NAV1: variants seen among roughly 807,000 people sequenced by gnomAD.
The protein encoded by NAV1 is neuron navigator 1.
A neutral mutation model predicts 175.2 loss-of-function variants in NAV1; 18 were observed. That is an observed-to-expected ratio of 0.10 (90% CI 0.07 to 0.15). The LOEUF (loss-of-function observed/expected upper bound fraction) is 0.15, where lower values mean the gene tolerates loss of function less well. Among genes scored for constraint, NAV1 ranks in the 10% least tolerant of loss-of-function variants. NAV1 has a pLI of 1.00. For synonymous variants in NAV1, 897 were observed against 978.7 expected, an observed-to-expected ratio of 0.92 and a Z score of 1.56; for missense variants, 1,731 against 2,436.6, an observed-to-expected ratio of 0.71 and a Z score of 6.10.
chr1:201,546,222 C>T lies in NAV1; in HGVS notation c.-144+6880C>T, dbSNP rs953307623. ...GCTTCAGGAAGAGGGCTGGATTGCA[C>T]GGCATACCCTGCACTATTGCGTGCT... On this transcript the variant is annotated intron_variant, in intron 1 of 33. Transcript: ENST00000685211. 2.1e-4 allele frequency among the ~76,000 whole-genome samples: 32 copies of T among 152,358 alleles called. 1 individual carries two copies. The highest frequency in any genetic ancestry group is 1.7e-3 in the Admixed American group (26 of 15,308).
intron 2 of NAV1, among the ~76,000 whole-genome samples, chr1:201,631,840 G>A (rs576069927): frequency 6.6e-6 from 1 of 152,292 alleles, no homozygotes; most frequent in East Asian, 1.9e-4. Flanking sequence ...GGGTTTGGGG[G>A]CTTTTTTTTG....
intron 1 of NAV1, among the ~76,000 whole-genome samples, chr1:201,540,271 A>AG (rs1045106563): frequency 6.6e-6 from 1 of 152,230 alleles, no homozygotes; most frequent in Non-Finnish European, 1.5e-5. Context: ...GGATAGTCAC[A>AG]GGGCGCAGCT....
intron 15 of NAV1, chr1:201,798,544 A>G (rs888494314): frequency 4.1e-5 from 6 of 147,882 alleles, no homozygotes; most frequent in Non-Finnish European, 8.9e-5. Context: ...CCCAGGAGGT[A>G]GAAGCTGCAG....
chr1:201,720,614 CT>C (rs1342983107), intron 3 of NAV1, among the ~76,000 whole-genome samples: 1 of 152,206 alleles, frequency 6.6e-6, no homozygotes, highest in African/African-American at 2.4e-5. Flanking sequence ...GCTGTATGAG[CT>C]TGAGCAAACT....
chr1:201,649,589 C>T (rs1486673638), intron 1 of NAV1, among the ~76,000 whole-genome samples, 164 bp downstream of exon 5: 1 of 152,240 alleles, frequency 6.6e-6, no homozygotes, highest in Non-Finnish European at 1.5e-5. Flanking sequence ...GCTGAGCTGG[C>T]CCACCTCCAG....
chr1:201,622,847 C>A, upstream of NAV1: 1 of 985,994 alleles, frequency 1.0e-6, no homozygotes, highest in Non-Finnish European at 1.2e-6. Flanking sequence ...CCCTCTCTCC[C>A]TGCAGGACAG....
chr1:201,654,350 T>C (rs1283290390), intron 1 of NAV1, among the ~76,000 whole-genome samples: 1 of 151,966 alleles, frequency 6.6e-6, no homozygotes. Flanking sequence ...CCTTCCCACT[T>C]TCTCTGCCCA....
exon 4 of NAV1, chr1:201,780,533 G>A (rs771012167): frequency 6.2e-7 from 1 of 1,614,172 alleles, no homozygotes; most frequent in Non-Finnish European, 8.5e-7. Context: ...TACTCCCACT[G>A]CTTCTCGCAG....
chr1:201,597,340 C>T (rs879653001), intron 2 of NAV1, among the ~76,000 whole-genome samples: 1 of 152,234 alleles, frequency 6.6e-6, no homozygotes, highest in Non-Finnish European at 1.5e-5. Flanking sequence ...CAGCATTTCT[C>T]AGGATTCACA....
chr1:201,638,520 T>C (rs1668668433), intron 2 of NAV1, among the ~76,000 whole-genome samples: 1 of 152,166 alleles, frequency 6.6e-6, no homozygotes, highest in South Asian at 2.1e-4. Flanking sequence ...ACCCTTCTAA[T>C]ACCCAGTCCC....
chr1:201,689,584 G>T (rs1670819490), intron 1 of NAV1, among the ~76,000 whole-genome samples: 1 of 152,116 alleles, frequency 6.6e-6, no homozygotes, highest in South Asian at 2.1e-4. Flanking sequence ...TGTTCTGGGG[G>T]TTGTTTTTAA....
chr1:201,647,610 G>A (rs12079055), upstream of NAV1, among the ~76,000 whole-genome samples: 6 of 151,786 alleles, frequency 4.0e-5, no homozygotes, highest in East Asian at 7.8e-4. Flanking sequence ...CCCAGTCAAC[G>A]CTAGGCCCCT....
chr1:201,671,601 G>T (rs1670047446), intron 1 of NAV1, among the ~76,000 whole-genome samples: 1 of 152,208 alleles, frequency 6.6e-6, no homozygotes, highest in Admixed American at 6.5e-5. Flanking sequence ...AGCTCAAAAA[G>T]CTGTGCGGAG....
chr1:201,800,935 C>A (rs1677827220), intron 15 of NAV1, among the ~76,000 whole-genome samples: 2 of 150,386 alleles, frequency 1.3e-5, no homozygotes, highest in South Asian at 4.2e-4. Context: ...TTCAAGCGAT[C>A]CTCCTGCTTC....
At position 201,543,167 on chromosome 1, in the gene NAV1, G is replaced by C. The variant is rs999916749; in HGVS notation, c.-144+3825G>C. Among the ~76,000 whole-genome samples, 4 of 152,172 alleles carry C rather than the reference G, an allele frequency of 2.6e-5. No homozygotes were observed. The East Asian group carries it at 7.7e-4, about 29-fold the overall frequency. On this transcript the variant is annotated intron_variant, in intron 1 of 33. Transcript: ENST00000685211. ...GCTAGAACTTTCAGTATAATGTTGA[G>C]TGGCAGTGGTGAAAGCAGACATCCT...
At chr1:201,661,595 C>T (rs1669616685) in intron 1 of NAV1, among the ~76,000 whole-genome samples, 1 of 152,166 alleles carries the variant, frequency 6.6e-6, no homozygotes, top group South Asian at 2.1e-4. Flanking sequence ...GAATAAGCCA[C>T]TTAACTGCCT....
rs137915046 is a variant in NAV1 at position 201,567,915 on chromosome 1, T to C, written c.-143-20624T>C. Among the ~76,000 whole-genome samples the C allele has an allele frequency of 5.4e-4, 82 of 152,258 alleles. No individual in the cohort carries two copies. The South Asian group carries it at 0.011, about 20-fold the overall frequency. On this transcript the variant is annotated intron_variant, in intron 1 of 33. Transcript: ENST00000685211. ...CACGGAGCAAGGGTAACTGACCCAA[T>C]TGAAGATCAACCCTAGGAGACAGAG...
chr1:201,793,671 G>C lies in NAV1; in HGVS notation c.3322-121G>C, dbSNP rs935773240. On this transcript the variant is annotated intron_variant, in intron 13 of 29. Coordinates refer to ENST00000367296, the Ensembl canonical transcript of NAV1. Reference sequence around the variant, plus strand: ...TCAATATTTTTTTAACCACCAAGAGGTTTGCTGGCATTGGTCAGCTCCGAG... The same window carrying C: ...TCAATATTTTTTTAACCACCAAGAGCTTTGCTGGCATTGGTCAGCTCCGAG... 19 of 797,224 alleles carry C rather than the reference G, an allele frequency of 2.4e-5. No individual in the cohort carries two copies. In the African/African-American group the frequency reaches 3.3e-4, roughly 14 times the overall value. 49.4% of individuals were successfully genotyped at this position (797,224 alleles called of 1,614,324 possible).
At chr1:201,602,667 G>GTTTTT (rs374267102) in intron 2 of NAV1, among the ~76,000 whole-genome samples, 4 of 120,702 alleles carry the variant, frequency 3.3e-5, no homozygotes, top group African/African-American at 8.8e-5. Flanking sequence ...TTTTTTTTTG[G>GTTTTT]TTTTTTTTTT....
Sources: gnomAD v4.1 joint callset for allele counts (sites outside exome capture counted in the v4.1 genomes callset) on GRCh38, gnomAD v4.1.1 for gene constraint, MANE v1.5 for transcripts, NCBI Gene and HGNC (gene_info 2026-07-23, HGNC 2026-07-21) for gene names.